The following GRID2 variants were observed in gnomAD, a reference collection of about 807,000 sequenced individuals.
GRID2 encodes the protein glutamate receptor ionotropic, delta-2.
A neutral mutation model predicts 114.8 loss-of-function variants in GRID2; 33 were observed. That is an observed-to-expected ratio of 0.29 (90% CI 0.22 to 0.38). The LOEUF (loss-of-function observed/expected upper bound fraction) is 0.38. GRID2 is among the 10% of genes least tolerant of loss of function. The pLI is 1.00. For missense variants in GRID2, 1,184 were observed against 1,257.7 expected, an observed-to-expected ratio of 0.94 and a Z score of 0.89; for synonymous variants, 505 against 449.9, an observed-to-expected ratio of 1.12 and a Z score of -1.55.
At chr4:93,045,809 GT>G (rs1726082828) in intron 2 of GRID2, among the ~76,000 whole-genome samples, 1 of 152,004 alleles carries the variant, frequency 6.6e-6, no homozygotes, top group African/African-American at 2.4e-5. Flanking sequence ...TTCCCACTGT[GT>G]GTGTGTTTAT....
At chr4:93,041,652 T>C (rs1725527410) in intron 2 of GRID2, among the ~76,000 whole-genome samples, 1 of 152,140 alleles carries the variant, frequency 6.6e-6, no homozygotes, top group Admixed American at 6.5e-5. Context: ...ATGATAGCAA[T>C]ATGAATGGCA....
chr4:93,067,777 T>TA (rs1462546452), intron 2 of GRID2, among the ~76,000 whole-genome samples: 4 of 152,030 alleles, frequency 2.6e-5, no homozygotes, highest in Non-Finnish European at 5.9e-5. Context: ...AAAAAATAAT[T>TA]AAAAACTGGT....
chr4:93,030,936 G>C (rs1383798037), intron 2 of GRID2, among the ~76,000 whole-genome samples: 1 of 151,576 alleles, frequency 6.6e-6, no homozygotes, highest in Admixed American at 6.6e-5. Flanking sequence ...ATGAAAAAGA[G>C]GATGTGAAAT....
intron 2 of GRID2, among the ~76,000 whole-genome samples, chr4:93,069,946 T>A (rs1511296): frequency 6.6e-6 from 1 of 151,802 alleles, no homozygotes; most frequent in South Asian, 2.1e-4. Flanking sequence ...GGGGGCTTAC[T>A]TGGTTGTTGG....
At chr4:93,298,578 C>T (rs540212302) in intron 8 of GRID2, among the ~76,000 whole-genome samples, 9 of 152,308 alleles carry the variant, frequency 5.9e-5, no homozygotes, top group African/African-American at 2.2e-4. Flanking sequence ...TACAAACATT[C>T]ATTACATAAC....
chr4:92,325,058 C>T (rs1726524300), intron 1 of GRID2, among the ~76,000 whole-genome samples: 1 of 151,744 alleles, frequency 6.6e-6, no homozygotes, highest in Admixed American at 6.6e-5. Flanking sequence ...AATATATATA[C>T]AGTATATGAT....
intron 1 of GRID2, among the ~76,000 whole-genome samples, chr4:92,376,179 G>A (rs1006940305): frequency 2.0e-4 from 30 of 151,790 alleles, no homozygotes; most frequent in Admixed American, 1.4e-3. Flanking sequence ...GTGTGTTGTC[G>A]GGCACCTGAA....
At position 93,082,363 on chromosome 4, in the gene GRID2, A is replaced by G. The variant is rs191753749; in HGVS notation, c.245-2632A>G. Among the ~76,000 whole-genome samples the G allele has an allele frequency of 5.9e-5, 9 of 152,276 alleles. No individual in the cohort carries two copies. The East Asian group carries it at 1.7e-3, about 29-fold the overall frequency. On this transcript the variant is annotated intron_variant, in intron 2 of 15. Coordinates refer to ENST00000282020, the MANE Select transcript of GRID2 (RefSeq NM_001510.4). ...TTTGCTTGTTGTGGTGAAAAGGATG[A>G]TTGGTTAGAGAGCTGGGTCATCTAT...
At chr4:92,644,480 C>T (rs1731514837) in intron 2 of GRID2, among the ~76,000 whole-genome samples, 1 of 151,620 alleles carries the variant, frequency 6.6e-6, no homozygotes. Context: ...TTATTCAGCT[C>T]TTATATTTGC....
At chr4:93,239,797 A>AT (rs1416486407) in intron 8 of GRID2, among the ~76,000 whole-genome samples, 1 of 151,566 alleles carries the variant, frequency 6.6e-6, no homozygotes, top group African/African-American at 2.4e-5. Context: ...ATTTAGACTG[A>AT]TTTTTACGAT....
At chr4:92,376,767 C>A (rs1729375753) in intron 1 of GRID2, among the ~76,000 whole-genome samples, 1 of 152,184 alleles carries the variant, frequency 6.6e-6, no homozygotes, top group Non-Finnish European at 1.5e-5. Context: ...GCAGACTCAA[C>A]ACCACATGGA....
chr4:93,370,201 CAG>C (rs148600270), intron 8 of GRID2, among the ~76,000 whole-genome samples: 1,865 of 152,194 alleles, frequency 0.012, 41 homozygotes, highest in African/African-American at 0.043. Context: ...TTTCAAAACA[CAG>C]ACTTTCTTGT....
At chr4:93,535,264 A>G (rs938254352) in intron 13 of GRID2, among the ~76,000 whole-genome samples, 1 of 150,120 alleles carries the variant, frequency 6.7e-6, no homozygotes, top group African/African-American at 2.5e-5. Flanking sequence ...ACACACACAC[A>G]CACACACCAC....
At chr4:93,298,236 C>T (rs1412628614) in intron 8 of GRID2, among the ~76,000 whole-genome samples, 1 of 152,104 alleles carries the variant, frequency 6.6e-6, no homozygotes, top group Non-Finnish European at 1.5e-5. Context: ...TTAGTTAGTT[C>T]AAACTATTAT....
At chr4:93,766,315 A>G (rs1578768896) in intron 14 of GRID2, among the ~76,000 whole-genome samples, 2 of 152,334 alleles carry the variant, frequency 1.3e-5, no homozygotes, top group South Asian at 4.1e-4. Context: ...GAAACTTACA[A>G]TCATGGTGGA....
chr4:92,789,891 T>G (rs1025804389), intron 2 of GRID2, among the ~76,000 whole-genome samples: 5 of 151,846 alleles, frequency 3.3e-5, no homozygotes, highest in Admixed American at 2.0e-4. Flanking sequence ...TAATTAGGAA[T>G]TGTTTTGTTC....
At chr4:92,646,280 A>G in intron 2 of GRID2, among the ~76,000 whole-genome samples, 1 of 152,194 alleles carries the variant, frequency 6.6e-6, no homozygotes, top group Non-Finnish European at 1.5e-5. Flanking sequence ...ATTTTTAAAA[A>G]TTGAGTTATT....
intron 2 of GRID2, among the ~76,000 whole-genome samples, chr4:92,651,897 C>A (rs1731952328): frequency 1.3e-5 from 2 of 152,082 alleles, no homozygotes; most frequent in South Asian, 2.1e-4. Flanking sequence ...GTAAACAAGG[C>A]CAAAGTTTTC....
At chr4:93,425,224 A>G (rs1017896967) in intron 10 of GRID2, among the ~76,000 whole-genome samples, 7 of 152,184 alleles carry the variant, frequency 4.6e-5, no homozygotes, top group Non-Finnish European at 8.8e-5. Flanking sequence ...CGTGGTTGAT[A>G]CATTGTTAAG....
Sources: allele counts gnomAD v4.1 joint callset (sites outside exome capture counted in the v4.1 genomes callset), GRCh38; gene constraint gnomAD v4.1.1; transcripts MANE v1.5; gene names NCBI Gene and HGNC (gene_info 2026-07-23, HGNC 2026-07-21).